The following CAMK2A variants were observed in gnomAD, a reference collection of about 807,000 sequenced individuals.
CAMK2A encodes calcium/calmodulin-dependent protein kinase type II subunit alpha.
Under a neutral mutation model 79.2 loss-of-function variants are expected in CAMK2A, and 7 were observed. That is an observed-to-expected ratio of 0.09 (90% CI 0.05 to 0.17). CAMK2A has a LOEUF of 0.17. CAMK2A is among the 10% of genes least tolerant of loss of function. The pLI, the probability that CAMK2A is intolerant of heterozygous loss-of-function variation, is 1.00. For missense variants in CAMK2A, 214 were observed against 646.4 expected, an observed-to-expected ratio of 0.33 and a Z score of 7.25; for synonymous variants, 242 against 251.7, an observed-to-expected ratio of 0.96 and a Z score of 0.36.
At chr5:150,239,995 T>G (rs564693425) in intron 13 of CAMK2A, among the ~76,000 whole-genome samples, 1 of 152,200 alleles carries the variant, frequency 6.6e-6, no homozygotes, top group Non-Finnish European at 1.5e-5. Flanking sequence ...ACAGCCAAGC[T>G]CATGGCCAAG....
chr5:150,256,676 G>A lies in CAMK2A; in HGVS notation c.339-31C>T, dbSNP rs761609425. On this transcript the variant is annotated intron_variant, in intron 5 of 18. Transcript: ENST00000671881. This position sits in a 1 kb window ranked among gnomAD's most constrained non-coding sequence, Gnocchi z 4.6. Reference sequence around the variant, plus strand: ...GAGAGAGAGAGGAAGGGGTCATGGTGGTGTGAGCACAGGCCTCCCCTGGGA... The same window carrying A: ...GAGAGAGAGAGGAAGGGGTCATGGTAGTGTGAGCACAGGCCTCCCCTGGGA... The A allele has an allele frequency of 1.9e-6, 3 of 1,611,028 alleles. No individual in the cohort carries two copies. Among genetic ancestry groups the A allele is most frequent in the Non-Finnish European group, 1.7e-6 (2 of 1,177,212 alleles).
chr5:150,285,324 G>A (rs372991790), intron 1 of CAMK2A, among the ~76,000 whole-genome samples: 39 of 152,316 alleles, frequency 2.6e-4, no homozygotes, highest in African/African-American at 9.1e-4. Flanking sequence ...TGGATGAAAA[G>A]CCTTGCCGGC....
At chr5:150,225,839 G>A (rs1038638365) in intron 17 of CAMK2A, among the ~76,000 whole-genome samples, 1 of 152,174 alleles carries the variant, frequency 6.6e-6, no homozygotes, top group African/African-American at 2.4e-5. Context: ...GTGCCTCCCA[G>A]GTTCAAGTGA....
At chr5:150,263,572 C>T (rs777884182) in intron 3 of CAMK2A, among the ~76,000 whole-genome samples, 68 of 151,878 alleles carry the variant, frequency 4.5e-4, no homozygotes, top group Non-Finnish European at 8.1e-4. Context: ...CACATACACA[C>T]ACACATACAT....
At chr5:150,270,958 G>A (rs976947511) in intron 2 of CAMK2A, among the ~76,000 whole-genome samples, 5 of 152,074 alleles carry the variant, frequency 3.3e-5, no homozygotes, top group African/African-American at 1.2e-4. Context: ...AATGTGCCTC[G>A]AGAGTGTGGT....
chr5:150,244,620 C>T (rs996996293), intron 13 of CAMK2A, among the ~76,000 whole-genome samples: 7 of 152,074 alleles, frequency 4.6e-5, no homozygotes, highest in African/African-American at 1.4e-4. Flanking sequence ...CCCTTGGAGC[C>T]GGGAGGGGAT....
At chr5:150,237,597 C>T (rs538964459) in intron 15 of CAMK2A, among the ~76,000 whole-genome samples, 2 of 152,138 alleles carry the variant, frequency 1.3e-5, no homozygotes, top group East Asian at 1.9e-4. Context: ...CTCTAGAATC[C>T]GACTGCCTGA....
At chr5:150,269,513 G>A (rs1274065586) in intron 2 of CAMK2A, among the ~76,000 whole-genome samples, 4 of 151,886 alleles carry the variant, frequency 2.6e-5, no homozygotes, top group Non-Finnish European at 5.9e-5. Flanking sequence ...CACTACGCCC[G>A]GCTAATTTTT....
At chr5:150,276,304 AGG>A (rs1349855031) in intron 1 of CAMK2A, among the ~76,000 whole-genome samples, 1 of 152,090 alleles carries the variant, frequency 6.6e-6, no homozygotes, top group Non-Finnish European at 1.5e-5. Context: ...TGAGTTCCTG[AGG>A]GCCAGGACTT....
intron 8 of CAMK2A, 36 bp from the exon 9 acceptor site, chr5:150,251,880 G>C (rs754903369): frequency 6.4e-7 from 1 of 1,568,050 alleles, no homozygotes; most frequent in Non-Finnish European, 8.7e-7. Flanking sequence ...AACCCCCTGT[G>C]GGGAGGAGAC....
chr5:150,250,955 A>G, intron 9 of CAMK2A, 145 bp from the exon 10 acceptor site: 1 of 871,824 alleles, frequency 1.1e-6, no homozygotes, highest in Non-Finnish European at 1.8e-6. Context: ...GGGGCTCCTC[A>G]CTGCAGGGGA....
In CAMK2A at chr5:150,256,887, C is replaced by T. The variant is rs1225169430; in HGVS notation, c.273-56G>A. ...ATAGAGGCGACAGGTGCTGCCTCAT[C>T]TGGAGGAGTCTCCAGGAAACTAAGG... On this transcript the variant is annotated intron_variant, in intron 4 of 18. Coordinates refer to ENST00000671881, the MANE Select transcript of CAMK2A (RefSeq NM_015981.4). This position sits in a 1 kb window ranked among gnomAD's most constrained non-coding sequence, Gnocchi z 4.6. The T allele has an allele frequency of 6.9e-6, 10 of 1,445,626 alleles. No homozygotes were observed. The highest frequency in any genetic ancestry group is 1.4e-5 in the African/African-American group (1 of 71,020). The allele number at this position is 1,445,626 out of a possible 1,614,324, so 89.5% of individuals were successfully genotyped here.
rs1021396513 is a variant in CAMK2A, at chr5:150,221,769, A to G, written c.*941T>C. 1.8e-5 allele frequency: 7 copies of G among 392,528 alleles called. No homozygotes were observed. Among genetic ancestry groups the G allele is most frequent in the Non-Finnish European group, 3.1e-5 (7 of 223,348 alleles). The allele number at this position is 392,528 out of a possible 1,614,324, so 24.3% of individuals were successfully genotyped here. The stretch of plus-strand genomic sequence containing the variant: ...GATGACAAAAAAAAAAAAAAAAACT[A>G]GAACAGAAAAAAACTACCCCTCACC... On this transcript the variant is annotated 3_prime_UTR_variant, in exon 19 of 19. Coordinates refer to ENST00000671881, the MANE Select transcript of CAMK2A (RefSeq NM_015981.4).
intron 16 of CAMK2A, 134 bp downstream of exon 16, chr5:150,231,171 T>C (rs1175708929): frequency 4.2e-6 from 2 of 472,876 alleles, no homozygotes; most frequent in Non-Finnish European, 7.7e-6. Context: ...AATAGAAATA[T>C]GAGTTCAGCC....
chr5:150,274,394 A>G (rs569522560), intron 1 of CAMK2A, among the ~76,000 whole-genome samples: 1 of 152,328 alleles, frequency 6.6e-6, no homozygotes, highest in African/African-American at 2.4e-5. Flanking sequence ...ATTTTTAAAT[A>G]TTGGCACCTA....
At chr5:150,229,077 C>A (rs529145058) in intron 16 of CAMK2A, among the ~76,000 whole-genome samples, 60 of 152,262 alleles carry the variant, frequency 3.9e-4, no homozygotes, top group African/African-American at 1.4e-3. Flanking sequence ...AGCAATGAAG[C>A]CAGGGGCAGG....
At chr5:150,276,526 C>T (rs1283305804) in intron 1 of CAMK2A, among the ~76,000 whole-genome samples, 2 of 152,194 alleles carry the variant, frequency 1.3e-5, no homozygotes, top group African/African-American at 2.4e-5. Context: ...CTCAAAGGTG[C>T]CCACCCTACC....
chr5:150,276,661 G>A (rs925831021), intron 1 of CAMK2A, among the ~76,000 whole-genome samples: 2 of 152,192 alleles, frequency 1.3e-5, no homozygotes, highest in African/African-American at 2.4e-5. Context: ...AGAACTCCAG[G>A]AAGAGAAGGG....
chr5:150,281,856 T>A (rs1757229921), intron 1 of CAMK2A, among the ~76,000 whole-genome samples: 1 of 152,200 alleles, frequency 6.6e-6, no homozygotes, highest in African/African-American at 2.4e-5. Flanking sequence ...ATCTGTGAAA[T>A]CAACTGTTGA....
Sources: gnomAD v4.1 joint callset for allele counts (sites outside exome capture counted in the v4.1 genomes callset) on GRCh38, gnomAD v4.1.1 for gene constraint, Gnocchi (gnomAD v3.1) non-coding constraint, MANE v1.5 for transcripts, NCBI Gene and HGNC (gene_info 2026-07-23, HGNC 2026-07-21) for gene names.